Variants in LRCH4 observed in about 807,000 individuals in gnomAD.
LRCH4 encodes the protein leucine-rich repeat and calponin homology domain-containing protein 4.
In LRCH4, 56 loss-of-function variants were observed where a neutral mutation model predicts 81.2. The ratio of observed to expected loss-of-function variants is 0.69; its 90% CI spans 0.56 to 0.86. The LOEUF is 0.86. Among genes scored for constraint, LRCH4 ranks in the 40% least tolerant of loss-of-function variants. The probability of loss-of-function intolerance (pLI) is 0.00; values close to 1 mark genes in which losing one functional copy is unlikely to be tolerated. For synonymous variants in LRCH4, 442 were observed against 409.7 expected (o/e 1.08, Z -0.95); for missense variants, 895 against 922.8 (o/e 0.97, Z 0.39).
In LRCH4 at chr7:100,578,864, C is replaced by T. The variant is rs1335129895; in HGVS notation, c.599-78G>A. On this transcript the variant is annotated intron_variant, in intron 4 of 17. Transcript: ENST00000310300. This position sits in a 1 kb window ranked among gnomAD's most constrained non-coding sequence, Gnocchi z 5.7. ...CGTGCTCACTCCCTCACCCTTGGCT[C>T]CAGCTGGCCAGTCACCCTGGGCCCA... 6.6e-7 allele frequency: 1 copy of T among 1,509,388 alleles called. No individual in the cohort carries two copies. The highest frequency in any genetic ancestry group is 1.4e-5 in the African/African-American group (1 of 72,680). The allele number at this position is 1,509,388 out of a possible 1,614,324, so 93.5% of individuals were successfully genotyped here. A position where few individuals can be genotyped will look rare whatever the true frequency, so the allele number is the denominator to read the frequency against.
rs1444730682 is a variant in LRCH4, at chr7:100,586,067, C to T, written c.34G>A (p.Gly12Arg). Reference protein sequence around the residue: ...AAAVAAPLAAGGEEAAATTSV... With the variant: ...AAAVAAPLAARGEEAAATTSV... ...GTCGTGGCTGCCGCCTCCTCACCCC[C>T]GGCGGCGAGTGGAGCCGCTACGGCC... Residue 12 changes from glycine (G) to arginine (R), a missense_variant, in exon 1 of 18, where the codon GGG (glycine) becomes AGG (arginine). Physicochemically the swap from Gly to Arg is moderately radical, Grantham distance 125. Transcript: ENST00000310300. The T allele has an allele frequency of 5.8e-6, 9 of 1,560,454 alleles. No homozygotes were observed. In the Admixed American group the frequency reaches 5.8e-5, roughly 10 times the overall value.
chr7:100,585,861 C>A lies in LRCH4; in HGVS notation c.220+20G>T. The A allele has an allele frequency of 6.5e-7, 1 of 1,548,052 alleles. No individual in the cohort carries two copies. Among genetic ancestry groups the A allele is most frequent in the Middle Eastern group, 1.8e-4 (1 of 5,438 alleles). ...TGCAAATGAGGGACCCGGTTGGGCC[C>A]GGGGCCCGGCTGCACTCACCAGCCT... On this transcript the variant is annotated intron_variant, in intron 1 of 17. Transcript: ENST00000310300.
intron 14 of LRCH4, 109 bp downstream of exon 14, chr7:100,576,585 A>C: frequency 1.2e-6 from 1 of 843,776 alleles, no homozygotes. Flanking sequence ...TTTTCAACGC[A>C]AAGGTACAAA....
At chr7:100,579,109 A>G in intron 4 of LRCH4, 1 of 356,722 alleles carries the variant, frequency 2.8e-6, no homozygotes, top group Non-Finnish European at 5.2e-6. Flanking sequence ...ACTCGAACCC[A>G]CCCTCCATTT....
At chr7:100,580,777 A>C (rs1584408263) in intron 4 of LRCH4, 2 of 149,498 alleles carry the variant, frequency 1.3e-5, no homozygotes, top group African/African-American at 5.0e-5. Context: ...TAAACACAAC[A>C]CACGAACAGA....
In LRCH4 at chr7:100,576,270, C is replaced by G; in HGVS notation, c.1606G>C (p.Asp536His). The G allele has an allele frequency of 6.2e-7, 1 of 1,614,176 alleles. No individual in the cohort carries two copies. The highest frequency in any genetic ancestry group is 1.3e-5 in the African/African-American group (1 of 75,060). ...LRPRRYPQVP[D>H]EKDLMTQLRQ... ...AGCTGAGTCATTAAGTCCTTCTCAT[C>G]TGGAACCTGGGGGTACCGCCGAGGT... The change falls in exon 15 of 18, where the codon GAT becomes CAT. Residue 536 changes from aspartate to histidine, a missense_variant. Physicochemically the swap from Asp to His is moderately conservative, Grantham distance 81. Transcript: ENST00000310300.
intron 1 of LRCH4, chr7:100,584,249 G>T (rs1264660596): frequency 2.2e-6 from 1 of 456,508 alleles, no homozygotes; most frequent in South Asian, 1.5e-5. Context: ...GTCCCTGCTT[G>T]CGGAGAGGGG....
At position 100,578,303 on chromosome 7, in the gene LRCH4, AG is replaced by A. The variant is rs1197539685; in HGVS notation, c.849-46del. On this transcript the variant is annotated intron_variant, in intron 6 of 17. Transcript: ENST00000310300. The surrounding 1 kb of genome is among the most constrained non-coding windows in gnomAD (Gnocchi z 5.7). The stretch of plus-strand genomic sequence containing the variant: ...TCTGGTCAGCCTGATGCTGGACAAC[AG>A]CCCCCCATCCTCCTGCCAGAAAGCA... 1 of 1,603,194 alleles carries A rather than the reference AG, an allele frequency of 6.2e-7. No individual in the cohort carries two copies. Among genetic ancestry groups the A allele is most frequent in the East Asian group, 2.2e-5 (1 of 44,818 alleles).
In LRCH4 at chr7:100,579,066, T is replaced by C. The variant is rs1277452992; in HGVS notation, c.599-280A>G. ...ACGTCAGGTCCCGCCCAGCCCTGTC[T>C]GTCCTCCTCATCTCCTCGCCTGCCC... On this transcript the variant is annotated intron_variant, in intron 4 of 17. Coordinates refer to ENST00000310300, the MANE Select transcript of LRCH4 (RefSeq NM_002319.5). The C allele has an allele frequency of 6.3e-6, 3 of 475,624 alleles. No homozygotes were observed. The Admixed American group carries it at 1.1e-4, about 18-fold the overall frequency. 29.5% of individuals were successfully genotyped at this position (475,624 alleles called of 1,614,324 possible).
chr7:100,583,501 C>G lies in LRCH4; in HGVS notation c.221-1042G>C, dbSNP rs1801625334. On this transcript the variant is annotated intron_variant, in intron 1 of 17. Transcript: ENST00000310300. The surrounding 1 kb of genome is among the most constrained non-coding windows in gnomAD (Gnocchi z 4.3). ...CAGGCCACAGACCTGGTGAGCTTCTCCAAGGGCCCTTCTCAGGGAAGGGCA... is the reference window on the plus strand; with the variant it reads ...CAGGCCACAGACCTGGTGAGCTTCTGCAAGGGCCCTTCTCAGGGAAGGGCA... 6.6e-6 allele frequency among the ~76,000 whole-genome samples: 1 copy of G among 152,152 alleles called. No homozygotes were observed. The highest frequency in any genetic ancestry group is 2.4e-5 in the African/African-American group (1 of 41,436).
Position 100,576,006 on chromosome 7 carries a change from G to T in LRCH4, c.1641C>A (p.Val547=). Residue 547 remains valine, a splice_region_variant and synonymous_variant, in exon 16 of 18, where the codon GTC becomes GTA. Transcript: ENST00000310300. The stretch of plus-strand genomic sequence containing the variant: ...GGGGCCGCTGCAGCCGGGACTCAAG[G>T]ACCTGGCAGTGTAGACCACATAGAG... The part of the protein sequence containing the change: ...EKDLMTQLRQ[V]LESRLQRPLP... 1 of 1,603,458 alleles carries T rather than the reference G, an allele frequency of 6.2e-7. No homozygotes were observed. The highest frequency in any genetic ancestry group is 8.5e-7 in the Non-Finnish European group (1 of 1,178,612).
chr7:100,580,517 T>TACACAACACATACACAC (rs1801503295), intron 4 of LRCH4: 2 of 129,330 alleles, frequency 1.5e-5, no homozygotes, highest in Non-Finnish European at 3.3e-5. Context: ...CACATAAACA[T>TACACAACACATACACAC]ACACAACACA....
At chr7:100,581,566 A>G (rs1160506050) in intron 4 of LRCH4, 7 of 535,700 alleles carry the variant, frequency 1.3e-5, no homozygotes, top group Non-Finnish European at 2.3e-5. Context: ...GGAGAGTACC[A>G]CAAGGAGCCG....
rs1038594707 is a variant in LRCH4 at position 100,583,232 on chromosome 7, C to G, written c.221-773G>C. ...GGCTCTGCTTCCTCTCTTACTGACA[C>G]AGACTTCAAGAGATCAGCAACTGTG... On this transcript the variant is annotated intron_variant, in intron 1 of 17. Transcript: ENST00000310300. The surrounding 1 kb of genome is among the most constrained non-coding windows in gnomAD (Gnocchi z 4.3). Among the ~76,000 whole-genome samples the G allele has an allele frequency of 3.9e-5, 6 of 152,174 alleles. No individual in the cohort carries two copies. Among genetic ancestry groups the G allele is most frequent in the Non-Finnish European group, 7.3e-5 (5 of 68,032 alleles).
At chr7:100,580,857 CACACAT>C (rs1801531131) in intron 4 of LRCH4, 1 of 152,182 alleles carries the variant, frequency 6.6e-6, no homozygotes, top group African/African-American at 2.4e-5. Context: ...AGACACAACA[CACACAT>C]ACACAAACAC....
At chr7:100,576,594 A>G in intron 14 of LRCH4, 100 bp downstream of exon 14, 1 of 1,034,522 alleles carries the variant, frequency 9.7e-7, no homozygotes, top group Non-Finnish European at 1.4e-6. Flanking sequence ...CAAAGGTACA[A>G]AAGGTACAAC....
chr7:100,576,326 AG>A lies in LRCH4; in HGVS notation c.1553-4del. ...GACAGAGTCTGGTGAGGAAGGGCCT[AG>A]GAGAAAAAGGGGGGCATGGGGCTGC... On this transcript the variant is annotated splice_polypyrimidine_tract_variant and splice_region_variant and intron_variant, in intron 14 of 17. Transcript: ENST00000310300. 6.2e-7 allele frequency: 1 copy of A among 1,611,782 alleles called. No homozygotes were observed. The highest frequency in any genetic ancestry group is 8.5e-7 in the Non-Finnish European group (1 of 1,178,040).
rs545871396 is a variant in LRCH4, at chr7:100,583,786, C to T, written c.221-1327G>A. On this transcript the variant is annotated intron_variant, in intron 1 of 17. Coordinates refer to ENST00000310300, the MANE Select transcript of LRCH4 (RefSeq NM_002319.5). The surrounding 1 kb of genome is among the most constrained non-coding windows in gnomAD (Gnocchi z 4.3). ...GGATGGCATTTGCCCCTCCCAGCCT[C>T]GCCTCCACCTGCCCGCTTTCTCTGC... Among the ~76,000 whole-genome samples, 46 of 152,300 alleles carry T rather than the reference C, an allele frequency of 3.0e-4. No homozygotes were observed. The highest frequency in any genetic ancestry group is 8.7e-4 in the African/African-American group (36 of 41,556).
chr7:100,584,175 G>A (rs1273260669), intron 1 of LRCH4: 1 of 456,612 alleles, frequency 2.2e-6, no homozygotes, highest in Non-Finnish European at 4.4e-6. Flanking sequence ...CGTCTGCTTG[G>A]AGGGCGAGGA....
Sources: allele counts gnomAD v4.1 joint callset (sites outside exome capture counted in the v4.1 genomes callset), GRCh38; gene constraint gnomAD v4.1.1; non-coding constraint Gnocchi (gnomAD v3.1); transcripts MANE v1.5; gene names NCBI Gene and HGNC (gene_info 2026-07-23, HGNC 2026-07-21).